Variants in CNOT1 observed in about 807,000 individuals in gnomAD.
The protein encoded by CNOT1 is CCR4-associated factor 1.
In CNOT1, 15 loss-of-function variants were observed where a neutral mutation model predicts 273.8. The ratio of observed to expected loss-of-function variants is 0.05; its 90% confidence interval spans 0.04 to 0.08. CNOT1 has a LOEUF of 0.08. Among genes scored for constraint, CNOT1 ranks in the 10% least tolerant of loss-of-function variants. The pLI, the probability that CNOT1 is intolerant of heterozygous loss-of-function variation, is 1.00. For missense variants in CNOT1, 1,644 were observed against 2,912.2 expected (o/e 0.56, Z 10.02); for synonymous variants, 1,022 against 1,005.5 (o/e 1.02, Z -0.31).
chr16:58,531,869 A>T lies in CNOT1; in HGVS notation c.6177+89T>A. On this transcript the variant is annotated intron_variant, in intron 42 of 48. Transcript: ENST00000317147. ...GTTTGGAAGAAGTACAATTACTACTAAATGACTAATAGAAATCTATAGGCA... is the reference window on the plus strand; with the variant it reads ...GTTTGGAAGAAGTACAATTACTACTTAATGACTAATAGAAATCTATAGGCA... 5 of 1,452,434 alleles carry T rather than the reference A, an allele frequency of 3.4e-6. 1 individual carries two copies. The highest frequency in any genetic ancestry group is 4.7e-6 in the Non-Finnish European group (5 of 1,065,974). 90.0% of individuals were successfully genotyped at this position (1,452,434 alleles called of 1,614,324 possible). A position where few individuals can be genotyped will look rare whatever the true frequency, so the allele number is the denominator to read the frequency against.
At chr16:58,548,153 T>C (rs1197948947) in intron 25 of CNOT1, among the ~76,000 whole-genome samples, 1 of 152,228 alleles carries the variant, frequency 6.6e-6, no homozygotes, top group Non-Finnish European at 1.5e-5. Flanking sequence ...CAATCTTCAG[T>C]ATACCCAGGT....
At chr16:58,620,493 T>G (rs1041133511) in intron 1 of CNOT1, among the ~76,000 whole-genome samples, 5 of 151,698 alleles carry the variant, frequency 3.3e-5, no homozygotes, top group Admixed American at 6.6e-5. Flanking sequence ...ATGCAAAAAT[T>G]AGCCGGGCGT....
intron 34 of CNOT1, 50 bp downstream of exon 34, chr16:58,541,451 A>T: frequency 6.3e-7 from 1 of 1,586,324 alleles, no homozygotes; most frequent in Non-Finnish European, 8.6e-7. Flanking sequence ...AATGTCAAAA[A>T]CATTTAAATT....
intron 1 of CNOT1, among the ~76,000 whole-genome samples, chr16:58,612,040 C>T (rs549467250): frequency 4.7e-5 from 3 of 64,184 alleles, no homozygotes; most frequent in South Asian, 3.9e-4. Flanking sequence ...CCACACCTCG[C>T]GGCCAACCTC....
intron 1 of CNOT1, among the ~76,000 whole-genome samples, chr16:58,626,026 C>T (rs2043565871): frequency 6.6e-6 from 1 of 152,144 alleles, no homozygotes; most frequent in Admixed American, 6.6e-5. Context: ...AACTTCACAG[C>T]AGGAAGTTTT....
chr16:58,570,061 G>A (rs531468578), intron 16 of CNOT1, among the ~76,000 whole-genome samples: 51 of 152,112 alleles, frequency 3.4e-4, no homozygotes, highest in Non-Finnish European at 6.2e-4. Flanking sequence ...AAACCATGGA[G>A]GACAGAAAGC....
chr16:58,620,625 G>A (rs114293556), intron 1 of CNOT1, among the ~76,000 whole-genome samples: 1 of 141,954 alleles, frequency 7.0e-6, no homozygotes, highest in African/African-American at 2.7e-5. Flanking sequence ...TTCCAGCCTG[G>A]GTGACACAGC....
rs149478798 is a variant in CNOT1 at position 58,546,701 on chromosome 16, C to T, written c.3799G>A (p.Ala1267Thr). The T allele has an allele frequency of 1.2e-5, 20 of 1,613,800 alleles. No homozygotes were observed. In the African/African-American group the frequency reaches 2.7e-4, roughly 22 times the overall value. The change falls in exon 28 of 49, where the codon GCT (alanine) becomes ACT (threonine). Residue 1267 changes from alanine (A) to threonine (T), a missense_variant. Around this residue, in one of 13 missense-constraint regions of CNOT1, gnomAD observed 124 missense variants for 289.3 expected, o/e 0.43. Transcript: ENST00000317147. ...AAGTCATGCTCCTGATGTAGCTCAG[C>T]TAATACATTCATAATTGCCATTGTC... is the stretch of plus-strand genomic sequence containing the variant. Reference protein sequence around the residue: ...PWTMAIMNVLAELHQEHDLKL... With the variant: ...PWTMAIMNVLTELHQEHDLKL...
intron 44 of CNOT1, 85 bp from the exon 45 acceptor site, chr16:58,526,223 T>C: frequency 7.0e-7 from 1 of 1,432,652 alleles, no homozygotes; most frequent in Non-Finnish European, 9.7e-7. Context: ...GGACTGTTTT[T>C]CTAAAACTAT....
chr16:58,557,460 T>A (rs3743570), intron 18 of CNOT1, among the ~76,000 whole-genome samples: 59,336 of 151,988 alleles, frequency 0.39, 12,968 homozygotes, highest in African/African-American at 0.59. Context: ...ATAAGTTCAG[T>A]GACGTTTATT....
rs571166744 is a variant in CNOT1, at chr16:58,607,862, T to C, written c.-174-8351A>G. Among the ~76,000 whole-genome samples the C allele has an allele frequency of 3.2e-4, 49 of 151,974 alleles. 1 individual carries two copies. In the South Asian group the frequency reaches 6.4e-3, roughly 20 times the overall value. On this transcript the variant is annotated intron_variant, in intron 1 of 48. Transcript: ENST00000317147. ...TTTTGATTTCTGAGCCACGTAAATA[T>C]ATTGCATGATTGAAAATTTTAAGAA...
chr16:58,580,771 A>G lies in CNOT1; in HGVS notation c.1216-11T>C, dbSNP rs1006911876. On this transcript the variant is annotated splice_polypyrimidine_tract_variant and intron_variant, in intron 11 of 48. Coordinates refer to ENST00000317147, the MANE Select transcript of CNOT1 (RefSeq NM_016284.5). ...TTGAATGAAGGAGAGCTGCAATGAA[A>G]GAAAATGCTTACCACCATAAATGAT... 1.2e-5 allele frequency: 19 copies of G among 1,603,616 alleles called. No homozygotes were observed. The highest frequency in any genetic ancestry group is 1.5e-5 in the Non-Finnish European group (18 of 1,175,484).
chr16:58,533,812 G>A (rs1232598081), intron 40 of CNOT1, among the ~76,000 whole-genome samples: 8 of 151,980 alleles, frequency 5.3e-5, no homozygotes, highest in African/African-American at 1.7e-4. Flanking sequence ...GCGACAGAGC[G>A]AGACTCCATC....
chr16:58,601,280 T>A (rs2042452758), intron 1 of CNOT1, among the ~76,000 whole-genome samples: 1 of 152,164 alleles, frequency 6.6e-6, no homozygotes, highest in South Asian at 2.1e-4. Flanking sequence ...GTATTTTTAG[T>A]AGAGACAGGG....
chr16:58,620,148 T>C (rs2043255623), intron 1 of CNOT1, among the ~76,000 whole-genome samples: 1 of 152,156 alleles, frequency 6.6e-6, no homozygotes, highest in South Asian at 2.1e-4. Flanking sequence ...AGTTCAACTG[T>C]ATATATGCAC....
intron 38 of CNOT1, among the ~76,000 whole-genome samples, 171 bp from the exon 39 acceptor site, chr16:58,537,391 T>C (rs1214568836): frequency 6.6e-6 from 1 of 152,236 alleles, no homozygotes; most frequent in Non-Finnish European, 1.5e-5. Flanking sequence ...CGCTTGCTCA[T>C]GAGCATACAA....
chr16:58,604,436 G>A (rs747239170), intron 1 of CNOT1, among the ~76,000 whole-genome samples: 6 of 151,938 alleles, frequency 3.9e-5, no homozygotes, highest in Non-Finnish European at 8.8e-5. Flanking sequence ...ACATGCCAGG[G>A]ACTCAGATAG....
intron 1 of CNOT1, among the ~76,000 whole-genome samples, chr16:58,608,940 A>C (rs1344551152): frequency 1.3e-5 from 2 of 152,226 alleles, no homozygotes; most frequent in African/African-American, 4.8e-5. Flanking sequence ...TAAGAATGAC[A>C]CAATAGACCT....
In CNOT1 at chr16:58,574,597, T is replaced by C; in HGVS notation, c.1979+12A>G. 1.3e-6 allele frequency: 2 copies of C among 1,568,746 alleles called. No homozygotes were observed. Among genetic ancestry groups the C allele is most frequent in the Non-Finnish European group, 1.7e-6 (2 of 1,165,290 alleles). ...ATTCAAAAAAAGTCATATTCATGTA[T>C]GTACTTCTTACCCTGCACAAGCTTG... On this transcript the variant is annotated intron_variant, in intron 16 of 48. Coordinates refer to ENST00000317147, the MANE Select transcript of CNOT1 (RefSeq NM_016284.5).
Sources: gnomAD v4.1 joint callset for allele counts (sites outside exome capture counted in the v4.1 genomes callset) on GRCh38, gnomAD v4.1.1 for gene constraint, gnomAD v4.1.1 regional missense constraint, MANE v1.5 for transcripts, NCBI Gene and HGNC (gene_info 2026-07-23, HGNC 2026-07-21) for gene names.